The following FILIP1L variants were observed in gnomAD, a reference collection of about 807,000 sequenced individuals.
FILIP1L encodes filamin A-interacting protein 1-like.
A neutral mutation model predicts 96.6 loss-of-function variants in FILIP1L; 55 were observed. The ratio of observed to expected loss-of-function variants is 0.57; its 90% CI spans 0.46 to 0.71. The LOEUF (loss-of-function observed/expected upper bound fraction) is 0.71. FILIP1L is among the 30% of genes least tolerant of loss of function. FILIP1L has a pLI of 0.00. For missense variants in FILIP1L, 1,304 were observed against 1,321.2 expected, an observed-to-expected ratio of 0.99 and a Z score of 0.20; for synonymous variants, 467 against 473.9, an observed-to-expected ratio of 0.99 and a Z score of 0.19.
intron 1 of FILIP1L, among the ~76,000 whole-genome samples, chr3:100,083,056 A>G (rs2065955895): frequency 6.6e-6 from 1 of 152,190 alleles, no homozygotes; most frequent in Admixed American, 6.5e-5. Flanking sequence ...ATGAAATTAC[A>G]ATTATTTTCC....
At chr3:99,992,312 C>G (rs1030891301) in intron 1 of FILIP1L, among the ~76,000 whole-genome samples, 3 of 152,068 alleles carry the variant, frequency 2.0e-5, no homozygotes, top group African/African-American at 7.2e-5. Flanking sequence ...TTCCTTTTCT[C>G]TACATCCTTG....
At chr3:99,940,693 A>C (rs1255644507) in intron 1 of FILIP1L, among the ~76,000 whole-genome samples, 1 of 152,200 alleles carries the variant, frequency 6.6e-6, no homozygotes, top group South Asian at 2.1e-4. Flanking sequence ...AGAGAACCCG[A>C]AATTTCCTAC....
chr3:99,984,059 T>TG (rs1491534471), intron 1 of FILIP1L, among the ~76,000 whole-genome samples: 71 of 151,634 alleles, frequency 4.7e-4, no homozygotes, highest in East Asian at 7.8e-4. Flanking sequence ...TGTATGTGTG[T>TG]TTGTGTGTGT....
intron 1 of FILIP1L, among the ~76,000 whole-genome samples, chr3:99,985,806 C>G (rs1020831048): frequency 7.4e-4 from 113 of 152,250 alleles, no homozygotes; most frequent in African/African-American, 2.6e-3. Context: ...TCAGGCTGGT[C>G]TCGAACTCCT....
chr3:99,830,795 G>A (rs949121471), intron 5 of FILIP1L, among the ~76,000 whole-genome samples, 190 bp from the exon 6 acceptor site: 2 of 152,180 alleles, frequency 1.3e-5, no homozygotes, highest in African/African-American at 2.4e-5. Context: ...TGTTGAATGT[G>A]TGCTGTGTGC....
At chr3:99,871,537 A>C (rs532824449) in intron 4 of FILIP1L, among the ~76,000 whole-genome samples, 1 of 152,322 alleles carries the variant, frequency 6.6e-6, no homozygotes, top group East Asian at 1.9e-4. Context: ...CACAGTGCAC[A>C]GTTTGAAGGA....
chr3:99,885,858 C>T (rs376680736), intron 4 of FILIP1L, among the ~76,000 whole-genome samples: 106 of 152,288 alleles, frequency 7.0e-4, no homozygotes, highest in Middle Eastern at 6.8e-3. Context: ...AAGAACAATA[C>T]AGCTCAACTC....
rs575533855 is a variant in FILIP1L, at chr3:99,952,052, C to T, written c.-10-21022G>A. Among the ~76,000 whole-genome samples, 7 of 152,256 alleles carry T rather than the reference C, an allele frequency of 4.6e-5. No individual in the cohort carries two copies. In the East Asian group the frequency reaches 1.3e-3, roughly 29 times the overall value. On this transcript the variant is annotated intron_variant, in intron 1 of 5. Coordinates refer to ENST00000477258, the MANE Select transcript of FILIP1L (RefSeq NM_001387850.1). Reference sequence around the variant, plus strand: ...GTTTATTCCAGTGGACCATATGTAACTGCACATGTGACCTAGGGCCAACTC... The same window carrying T: ...GTTTATTCCAGTGGACCATATGTAATTGCACATGTGACCTAGGGCCAACTC...
At chr3:99,973,141 G>T (rs1038966120) in intron 1 of FILIP1L, among the ~76,000 whole-genome samples, 1 of 152,118 alleles carries the variant, frequency 6.6e-6, no homozygotes, top group East Asian at 1.9e-4. Context: ...AAAAGCCAAG[G>T]TTTAGATTTT....
intron 1 of FILIP1L, among the ~76,000 whole-genome samples, chr3:100,101,585 C>G (rs2066306252): frequency 6.6e-6 from 1 of 152,034 alleles, no homozygotes; most frequent in African/African-American, 2.4e-5. Context: ...CTGATCCAGT[C>G]CAACACAGGA....
intron 1 of FILIP1L, among the ~76,000 whole-genome samples, chr3:100,038,893 C>T (rs1223944543): frequency 6.6e-6 from 1 of 151,882 alleles, no homozygotes; most frequent in Non-Finnish European, 1.5e-5. Context: ...TCGTATGCTA[C>T]CTTTTGCATG....
intron 1 of FILIP1L, among the ~76,000 whole-genome samples, chr3:99,957,627 C>T (rs115824939): frequency 0.016 from 2,377 of 145,844 alleles, 57 homozygotes; most frequent in African/African-American, 0.056. Context: ...GTAGTTCAGC[C>T]GTCAGACTGG....
At chr3:99,857,755 G>A (rs1944039744) in intron 4 of FILIP1L, among the ~76,000 whole-genome samples, 1 of 152,200 alleles carries the variant, frequency 6.6e-6, no homozygotes, top group African/African-American at 2.4e-5. Flanking sequence ...AAATCAGCCT[G>A]TAAATAGAGA....
chr3:100,003,701 A>T (rs1249614243), intron 1 of FILIP1L, among the ~76,000 whole-genome samples: 2 of 152,164 alleles, frequency 1.3e-5, no homozygotes, highest in South Asian at 4.1e-4. Flanking sequence ...TTCATACTTG[A>T]TCTATGATCT....
chr3:100,017,663 A>G (rs988351836), intron 1 of FILIP1L, among the ~76,000 whole-genome samples: 1 of 152,096 alleles, frequency 6.6e-6, no homozygotes, highest in South Asian at 2.1e-4. Flanking sequence ...GGTGGCATGC[A>G]CCTGTAGTCC....
At chr3:99,886,886 C>T (rs1705917396) in intron 4 of FILIP1L, among the ~76,000 whole-genome samples, 1 of 151,264 alleles carries the variant, frequency 6.6e-6, no homozygotes. Context: ...AGGAGAATCG[C>T]TTGAACCTGG....
chr3:100,109,006 A>G (rs2066441164), intron 1 of FILIP1L, among the ~76,000 whole-genome samples: 1 of 151,804 alleles, frequency 6.6e-6, no homozygotes, highest in Non-Finnish European at 1.5e-5. Context: ...GGCTTTTTCA[A>G]TGCAGTTTGA....
chr3:100,014,553 C>G (rs1559725682), intron 1 of FILIP1L, among the ~76,000 whole-genome samples: 1 of 152,024 alleles, frequency 6.6e-6, no homozygotes. Context: ...GAGGTGATAT[C>G]TTATTGTGGT....
chr3:99,861,288 C>T (rs1035787583), intron 4 of FILIP1L, among the ~76,000 whole-genome samples: 2 of 152,230 alleles, frequency 1.3e-5, no homozygotes, highest in African/African-American at 4.8e-5. Context: ...TCCTCCAAAG[C>T]CTACCTGGGC....
Sources: allele counts gnomAD v4.1 joint callset (sites outside exome capture counted in the v4.1 genomes callset), GRCh38; gene constraint gnomAD v4.1.1; transcripts MANE v1.5; gene names NCBI Gene and HGNC (gene_info 2026-07-23, HGNC 2026-07-21).